The following POGLUT1 variants were observed in gnomAD, a reference collection of about 807,000 sequenced individuals.
POGLUT1 encodes the protein protein O-glucosyltransferase 1.
POGLUT1 carries 32 observed loss-of-function variants against 61.3 expected under a neutral mutation model. The ratio of observed to expected loss-of-function variants is 0.52; its 90% CI spans 0.39 to 0.70. The LOEUF (loss-of-function observed/expected upper bound fraction) is 0.70. Ranked by LOEUF, POGLUT1 falls within the 30% of genes least tolerant of loss-of-function variation. The pLI, the probability that POGLUT1 is intolerant of heterozygous loss-of-function variation, is 0.00. For missense variants in POGLUT1, 411 were observed against 469.8 expected (o/e 0.87, Z 1.16); for synonymous variants, 158 against 158.2 (o/e 1.00, Z 0.01).
chr3:119,484,711 A>G (rs2107713764), intron 5 of POGLUT1, among the ~76,000 whole-genome samples: 1 of 152,298 alleles, frequency 6.6e-6, no homozygotes, highest in East Asian at 1.9e-4. Flanking sequence ...TAAAGTACAG[A>G]GGAAATCCAC....
chr3:119,477,198 G>A, intron 3 of POGLUT1, 115 bp from the exon 4 acceptor site: 1 of 1,000,746 alleles, frequency 1.0e-6, no homozygotes, highest in Non-Finnish European at 1.5e-6. Context: ...GTAGACTGAT[G>A]ATATGGAACA....
intron 5 of POGLUT1, among the ~76,000 whole-genome samples, chr3:119,481,340 T>C (rs1370953851): frequency 6.6e-6 from 1 of 152,210 alleles, no homozygotes; most frequent in Non-Finnish European, 1.5e-5. Flanking sequence ...ATCCAAGCTG[T>C]AGGTATTTCT....
Position 119,469,873 on chromosome 3 carries a change from G to A in POGLUT1, c.139G>A (p.Glu47Lys). The A allele has an allele frequency of 6.2e-7, 1 of 1,609,240 alleles. No individual in the cohort carries two copies. Among genetic ancestry groups the A allele is most frequent in the Non-Finnish European group, 8.5e-7 (1 of 1,175,598 alleles). The change falls in exon 2 of 11, where the codon GAA becomes AAA. Residue 47 changes from glutamate (E) to lysine (K), a missense_variant. Glu to Lys is a moderately conservative substitution (Grantham distance 56, BLOSUM62 1). Coordinates refer to ENST00000295588, the MANE Select transcript of POGLUT1 (RefSeq NM_152305.3). ...DQINRSLENY[E>K]PCSSQNCSCY... ...AATTAACAGGTCTTTGGAGAATTAC[G>A]AACCATGTTCAAGTCAAAACTGCAG... is the stretch of plus-strand genomic sequence containing the variant.
chr3:119,489,569 A>C (rs1017690100), intron 8 of POGLUT1: 2 of 151,862 alleles, frequency 1.3e-5, no homozygotes, highest in South Asian at 4.2e-4. Context: ...GGTGAAAGCA[A>C]CTCTGGTTGG....
At chr3:119,481,544 T>C (rs115601875) in intron 5 of POGLUT1, among the ~76,000 whole-genome samples, 297 of 152,318 alleles carry the variant, frequency 1.9e-3, no homozygotes, top group African/African-American at 6.6e-3. Flanking sequence ...ATTCCCTTCC[T>C]GAAGAAACGT....
rs749193424 is a variant in POGLUT1 at position 119,469,914 on chromosome 3, A to C, written c.176+4A>C. On this transcript the variant is annotated splice_donor_region_variant and intron_variant, in intron 2 of 10. Transcript: ENST00000295588. Reference sequence around the variant, plus strand: ...AAAACTGCAGCTGCTACCATGGGTGAGTTCTTTTCTTTGATGTGTCTTTGA... The same window carrying C: ...AAAACTGCAGCTGCTACCATGGGTGCGTTCTTTTCTTTGATGTGTCTTTGA... 3.2e-6 allele frequency: 5 copies of C among 1,539,970 alleles called. No homozygotes were observed. The highest frequency in any genetic ancestry group is 3.4e-4 in the Middle Eastern group (2 of 5,940).
At position 119,477,455 on chromosome 3, in the gene POGLUT1, A is replaced by G. The variant is rs1200030383; in HGVS notation, c.456+7A>G. 3 of 1,613,428 alleles carry G rather than the reference A, an allele frequency of 1.9e-6. No individual in the cohort carries two copies. Among genetic ancestry groups the G allele is most frequent in the East Asian group, 2.2e-5 (1 of 44,878 alleles). ...AGTCTTCTCCTTCAGTAAGGTAAGT[A>G]CAGGGAGAGCCACATGGGTGGATGG... On this transcript the variant is annotated splice_region_variant and intron_variant, in intron 4 of 10. Coordinates refer to ENST00000295588, the MANE Select transcript of POGLUT1 (RefSeq NM_152305.3).
intron 7 of POGLUT1, chr3:119,487,900 G>T (rs1176655708): frequency 6.6e-6 from 1 of 152,144 alleles, no homozygotes; most frequent in Non-Finnish European, 1.5e-5. Context: ...ATCTTCATTT[G>T]TTTAAAACTT....
chr3:119,471,881 G>A (rs2081478038), intron 3 of POGLUT1: 1 of 209,360 alleles, frequency 4.8e-6, no homozygotes, highest in African/African-American at 2.4e-5. Context: ...TAGATGGGGT[G>A]GTGGTGGCTC....
chr3:119,486,625 C>A (rs1312341887), intron 6 of POGLUT1, among the ~76,000 whole-genome samples: 2 of 152,106 alleles, frequency 1.3e-5, no homozygotes, highest in Non-Finnish European at 2.9e-5. Context: ...CAAGTACCCC[C>A]CAACCCTAAA....
intron 1 of POGLUT1, 72 bp downstream of exon 1, chr3:119,469,178 C>T (rs1255768211): frequency 6.6e-6 from 8 of 1,220,402 alleles, no homozygotes; most frequent in Non-Finnish European, 9.3e-6. Flanking sequence ...CGCTCCCCCG[C>T]GCGGCCGGCT....
intron 9 of POGLUT1, among the ~76,000 whole-genome samples, chr3:119,491,171 T>TA (rs112829089): frequency 4.1e-5 from 6 of 146,818 alleles, no homozygotes; most frequent in African/African-American, 7.5e-5. Flanking sequence ...TGTATATATA[T>TA]TTTTTTTCTA....
intron 3 of POGLUT1, among the ~76,000 whole-genome samples, chr3:119,475,540 A>C (rs1383281241): frequency 2.0e-5 from 3 of 152,144 alleles, no homozygotes; most frequent in Non-Finnish European, 4.4e-5. Context: ...AGGCTGGGTG[A>C]GGTGGCTCAC....
Position 119,471,345 on chromosome 3 carries a change from C to A in POGLUT1, c.213C>A (p.Gly71=), listed in dbSNP as rs768068775. 2.5e-6 allele frequency: 4 copies of A among 1,613,738 alleles called. No homozygotes were observed. The African/African-American group carries it at 5.3e-5, about 22-fold the overall frequency. Residue 71 remains glycine (G), a synonymous_variant, in exon 3 of 11, where the codon GGC becomes GGA. Coordinates refer to ENST00000295588, the MANE Select transcript of POGLUT1 (RefSeq NM_152305.3). ...IEEDLTPFRG[G]ISRKMMAEVV... ...AGGATCTAACTCCTTTCCGAGGAGG[C>A]ATCTCCAGGAAGATGATGGCAGAGG...
At chr3:119,474,874 C>T (rs1474954985) in intron 3 of POGLUT1, among the ~76,000 whole-genome samples, 1 of 151,770 alleles carries the variant, frequency 6.6e-6, no homozygotes, top group East Asian at 1.9e-4. Flanking sequence ...AAATTAAAAG[C>T]CAAATGTGAA....
At chr3:119,481,116 C>T (rs947537851) in intron 5 of POGLUT1, among the ~76,000 whole-genome samples, 1 of 146,288 alleles carries the variant, frequency 6.8e-6, no homozygotes, top group African/African-American at 2.8e-5. Context: ...AATGAATGAC[C>T]TCGTCATAGG....
chr3:119,470,516 C>T (rs1483954040), intron 2 of POGLUT1, among the ~76,000 whole-genome samples: 1 of 152,218 alleles, frequency 6.6e-6, no homozygotes, highest in African/African-American at 2.4e-5. Context: ...GCAGAGGTTG[C>T]ATTGAATCCA....
At chr3:119,487,450 G>A (rs1408748835) in intron 7 of POGLUT1, among the ~76,000 whole-genome samples, 1 of 152,160 alleles carries the variant, frequency 6.6e-6, no homozygotes, top group Non-Finnish European at 1.5e-5. Flanking sequence ...AGCCGGGCAT[G>A]GTGGTATGTG....
intron 3 of POGLUT1, among the ~76,000 whole-genome samples, chr3:119,475,904 T>G (rs2081530338): frequency 6.6e-6 from 1 of 151,210 alleles, no homozygotes; most frequent in Non-Finnish European, 1.5e-5. Flanking sequence ...GAGGATCACT[T>G]GAGCCCAAGA....
Sources: allele counts gnomAD v4.1 joint callset (sites outside exome capture counted in the v4.1 genomes callset), GRCh38; gene constraint gnomAD v4.1.1; transcripts MANE v1.5; gene names NCBI Gene and HGNC (gene_info 2026-07-23, HGNC 2026-07-21).